The following MEIS2 variants were observed in gnomAD, a reference collection of about 807,000 sequenced individuals.
MEIS2 encodes Meis homeobox 2, also known as homeobox protein Meis2.
In MEIS2, 9 loss-of-function variants were observed where a neutral mutation model predicts 58.6. The ratio of observed to expected loss-of-function variants is 0.15; its 90% confidence interval spans 0.09 to 0.27. The LOEUF is 0.27. MEIS2 is among the 10% of genes least tolerant of loss of function. The pLI, the probability that MEIS2 is intolerant of heterozygous loss-of-function variation, is 1.00. For missense variants in MEIS2, 427 were observed against 635.0 expected (o/e 0.67, Z 3.52); for synonymous variants, 221 against 228.4 (o/e 0.97, Z 0.29).
At chr15:37,061,763 C>A (rs1230233979) in intron 7 of MEIS2, among the ~76,000 whole-genome samples, 7 of 152,072 alleles carry the variant, frequency 4.6e-5, no homozygotes. Flanking sequence ...GATTTACAGT[C>A]ACCAAACGAG....
At chr15:36,909,797 C>T (rs947245424) in intron 9 of MEIS2, among the ~76,000 whole-genome samples, 4 of 120,612 alleles carry the variant, frequency 3.3e-5, no homozygotes, top group African/African-American at 6.5e-5. Flanking sequence ...GCAGTTGACT[C>T]AAGTGGAGAG....
intron 7 of MEIS2, among the ~76,000 whole-genome samples, chr15:37,039,884 A>G (rs1014853532): frequency 6.6e-6 from 1 of 152,208 alleles, no homozygotes; most frequent in Non-Finnish European, 1.5e-5. Context: ...AAACACAACA[A>G]TAAATACAAT....
intron 8 of MEIS2, among the ~76,000 whole-genome samples, chr15:36,978,421 G>C (rs1255048193): frequency 6.6e-6 from 1 of 152,182 alleles, no homozygotes; most frequent in Non-Finnish European, 1.5e-5. Context: ...CAGGATCTGT[G>C]CTCTTATCGC....
chr15:37,042,270 A>T (rs1417485490), intron 7 of MEIS2, among the ~76,000 whole-genome samples: 1 of 152,210 alleles, frequency 6.6e-6, no homozygotes, highest in African/African-American at 2.4e-5. Context: ...GGAATGAAAA[A>T]ATGATAAAAG....
intron 8 of MEIS2, among the ~76,000 whole-genome samples, chr15:36,989,022 C>T (rs921017704): frequency 6.6e-6 from 1 of 152,214 alleles, no homozygotes; most frequent in Admixed American, 6.5e-5. Context: ...ATTACAAAGA[C>T]AGCCAGCTTC....
intron 8 of MEIS2, among the ~76,000 whole-genome samples, chr15:37,002,152 C>T (rs1199152499): frequency 6.6e-6 from 1 of 152,128 alleles, no homozygotes; most frequent in African/African-American, 2.4e-5. Flanking sequence ...CTCCCAACAT[C>T]ATTTCCTGTT....
At chr15:37,033,125 T>C (rs925859301) in intron 8 of MEIS2, among the ~76,000 whole-genome samples, 8 of 152,204 alleles carry the variant, frequency 5.3e-5, no homozygotes, top group Admixed American at 2.0e-4. Context: ...AGTTGGCCTT[T>C]GTTGAGGTAG....
At chr15:36,969,246 T>C (rs918121445) in intron 8 of MEIS2, among the ~76,000 whole-genome samples, 10 of 152,330 alleles carry the variant, frequency 6.6e-5, no homozygotes, top group African/African-American at 2.4e-4. Flanking sequence ...GAAATGTAGA[T>C]AAAAATGAAT....
chr15:37,049,539 T>C (rs2062820364), intron 7 of MEIS2, among the ~76,000 whole-genome samples: 1 of 151,748 alleles, frequency 6.6e-6, no homozygotes, highest in Admixed American at 6.6e-5. Context: ...CAGGCCGGAG[T>C]GTAGTGGCTC....
intron 9 of MEIS2, among the ~76,000 whole-genome samples, chr15:36,901,353 C>T (rs1313607414): frequency 1.3e-5 from 2 of 152,164 alleles, no homozygotes; most frequent in Non-Finnish European, 2.9e-5. Context: ...GCTATGGTTA[C>T]AGCTGAGAGT....
chr15:36,948,986 T>C (rs1013899465), intron 9 of MEIS2, among the ~76,000 whole-genome samples: 3 of 151,996 alleles, frequency 2.0e-5, no homozygotes, highest in Non-Finnish European at 4.4e-5. Context: ...GTTAGCAGTT[T>C]ATTTCTGCAT....
chr15:36,975,959 T>A (rs2059734266), intron 8 of MEIS2, among the ~76,000 whole-genome samples: 1 of 152,240 alleles, frequency 6.6e-6, no homozygotes, highest in African/African-American at 2.4e-5. Flanking sequence ...TTTCAAAACA[T>A]GATGTACACT....
rs191210017 is a variant in MEIS2, at chr15:36,995,355, A to G, written c.900+41459T>C. 2.6e-5 allele frequency among the ~76,000 whole-genome samples: 4 copies of G among 152,268 alleles called. No homozygotes were observed. In the East Asian group the frequency reaches 7.7e-4, roughly 29 times the overall value. On this transcript the variant is annotated intron_variant, in intron 8 of 11. Coordinates refer to ENST00000561208, the MANE Select transcript of MEIS2 (RefSeq NM_170675.5). ...TTTTTTCTAATTGCATGCCACTTCA[A>G]ATGAACTATGAAAGTGCCTAGATAA...
chr15:37,043,774 A>G (rs12910528), intron 7 of MEIS2, among the ~76,000 whole-genome samples: 21,775 of 137,478 alleles, frequency 0.16, 1,719 homozygotes, highest in East Asian at 0.27. Flanking sequence ...CGCAACCTCC[A>G]CCTCCCTGGT....
At chr15:36,995,073 A>G (rs561572833) in intron 8 of MEIS2, among the ~76,000 whole-genome samples, 112 of 152,318 alleles carry the variant, frequency 7.4e-4, no homozygotes, top group Non-Finnish European at 1.3e-3. Flanking sequence ...TTTTGTCTGC[A>G]TGAAGCAGAT....
rs1388466629 is a variant in MEIS2 at position 36,891,557 on chromosome 15, T to C, written c.*616A>G. 6.5e-6 allele frequency: 1 copy of C among 152,772 alleles called. No homozygotes were observed. Among genetic ancestry groups the C allele is most frequent in the Non-Finnish European group, 1.5e-5 (1 of 68,170 alleles). The allele number at this position is 152,772 out of a possible 1,614,324, so 9.5% of individuals were successfully genotyped here. On this transcript the variant is annotated 3_prime_UTR_variant, in exon 12 of 12. Coordinates refer to ENST00000561208, the MANE Select transcript of MEIS2 (RefSeq NM_170675.5). ...AGTCCCCCAAAAATAATAATAAGAA[T>C]TGGCTTATGAAGCACGAACTATAAA... is the stretch of plus-strand genomic sequence containing the variant.
At chr15:37,058,090 A>G (rs1249284510) in intron 7 of MEIS2, among the ~76,000 whole-genome samples, 2 of 152,114 alleles carry the variant, frequency 1.3e-5, no homozygotes, top group African/African-American at 4.8e-5. Context: ...TGTTCCTACG[A>G]AGATCATCGC....
At chr15:37,052,763 G>T (rs1327375097) in intron 7 of MEIS2, among the ~76,000 whole-genome samples, 2 of 152,158 alleles carry the variant, frequency 1.3e-5, no homozygotes, top group Non-Finnish European at 2.9e-5. Flanking sequence ...AGTCACCGCT[G>T]GTTGAAAAAC....
At chr15:37,081,048 G>A (rs1397861828) in intron 7 of MEIS2, among the ~76,000 whole-genome samples, 1 of 152,082 alleles carries the variant, frequency 6.6e-6, no homozygotes, top group African/African-American at 2.4e-5. Flanking sequence ...AATCATTATA[G>A]TAAACATAAT....
Sources: allele counts gnomAD v4.1 joint callset (sites outside exome capture counted in the v4.1 genomes callset), GRCh38; gene constraint gnomAD v4.1.1; transcripts MANE v1.5; gene names NCBI Gene and HGNC (gene_info 2026-07-23, HGNC 2026-07-21).